MAP2K1: variants seen among roughly 807,000 people sequenced by gnomAD.
MAP2K1 encodes dual specificity mitogen-activated protein kinase kinase 1.
In MAP2K1, 16 loss-of-function variants were observed where a neutral mutation model predicts 46.3. The ratio of observed to expected loss-of-function variants is 0.35; its 90% CI spans 0.23 to 0.52. The LOEUF (loss-of-function observed/expected upper bound fraction) is 0.52. Ranked by LOEUF, MAP2K1 falls within the 20% of genes least tolerant of loss-of-function variation. MAP2K1 has a pLI of 0.94. For missense variants in MAP2K1, 263 were observed against 497.1 expected, an observed-to-expected ratio of 0.53 and a Z score of 4.48; for synonymous variants, 183 against 185.6, an observed-to-expected ratio of 0.99 and a Z score of 0.11.
At chr15:66,388,462 A>T (rs2093348251) in intron 1 of MAP2K1, among the ~76,000 whole-genome samples, 2 of 152,216 alleles carry the variant, frequency 1.3e-5, no homozygotes, top group South Asian at 4.1e-4. Context: ...TAGGAAGCTA[A>T]TTGATGAAAT....
chr15:66,418,764 G>A (rs1045254551), intron 1 of MAP2K1, among the ~76,000 whole-genome samples: 5 of 151,622 alleles, frequency 3.3e-5, no homozygotes, highest in East Asian at 1.9e-4. Context: ...CCGGGTTCAC[G>A]CCATTCTCCT....
chr15:66,487,378 C>A, intron 8 of MAP2K1, 86 bp downstream of exon 8: 1 of 1,256,730 alleles, frequency 8.0e-7, no homozygotes, highest in Admixed American at 1.7e-5. Flanking sequence ...GTGGTTCACG[C>A]CTGTAATCCC....
intron 1 of MAP2K1, among the ~76,000 whole-genome samples, chr15:66,421,638 T>TA (rs1040040727): frequency 3.3e-5 from 5 of 150,720 alleles, no homozygotes; most frequent in East Asian, 1.9e-4. Context: ...CTGTCTCTAC[T>TA]AAAAAAAATA....
At chr15:66,394,920 G>A (rs1566994304) in intron 1 of MAP2K1, among the ~76,000 whole-genome samples, 1 of 152,184 alleles carries the variant, frequency 6.6e-6, no homozygotes, top group African/African-American at 2.4e-5. Flanking sequence ...CATCTCTGCC[G>A]CTGTTACAGC....
At chr15:66,448,214 A>G (rs936497760) in intron 5 of MAP2K1, among the ~76,000 whole-genome samples, 13 of 151,664 alleles carry the variant, frequency 8.6e-5, no homozygotes, top group African/African-American at 3.1e-4. Context: ...GAAACCACCA[A>G]TCTACCTTCT....
At chr15:66,399,983 A>T (rs1367447005) in intron 1 of MAP2K1, among the ~76,000 whole-genome samples, 1 of 152,128 alleles carries the variant, frequency 6.6e-6, no homozygotes, top group Non-Finnish European at 1.5e-5. Flanking sequence ...CTTCTTGCAT[A>T]AGTACTTTAT....
chr15:66,465,739 A>AT (rs1050265503), intron 5 of MAP2K1, among the ~76,000 whole-genome samples: 3 of 152,062 alleles, frequency 2.0e-5, no homozygotes, highest in Non-Finnish European at 4.4e-5. Context: ...TTTGAAACGT[A>AT]TTTTTTCTCT....
chr15:66,458,443 CTTCT>C, intron 5 of MAP2K1, among the ~76,000 whole-genome samples: 1 of 152,200 alleles, frequency 6.6e-6, no homozygotes, highest in East Asian at 1.9e-4. Flanking sequence ...TTTTCTTTTC[CTTCT>C]ATCTAATGAA....
At chr15:66,434,332 T>A (rs1236383159) in intron 1 of MAP2K1, among the ~76,000 whole-genome samples, 1 of 152,166 alleles carries the variant, frequency 6.6e-6, no homozygotes, top group Non-Finnish European at 1.5e-5. Flanking sequence ...AATAGGAAAT[T>A]GTCGACAATG....
chr15:66,476,711 C>G (rs1240192959), intron 5 of MAP2K1, among the ~76,000 whole-genome samples: 1 of 152,144 alleles, frequency 6.6e-6, no homozygotes, highest in Non-Finnish European at 1.5e-5. Flanking sequence ...GCAGCCATGG[C>G]AGGCTCTGTG....
intron 5 of MAP2K1, among the ~76,000 whole-genome samples, chr15:66,473,443 G>A (rs556765932): frequency 1.3e-5 from 2 of 152,190 alleles, no homozygotes; most frequent in South Asian, 4.1e-4. Flanking sequence ...GCATGGTGGC[G>A]TGTGCTGAAG....
At chr15:66,430,834 G>A (rs1483275082) in intron 1 of MAP2K1, among the ~76,000 whole-genome samples, 1 of 152,210 alleles carries the variant, frequency 6.6e-6, no homozygotes, top group African/African-American at 2.4e-5. Flanking sequence ...ACATGTTCTT[G>A]CCCATAGGAT....
At chr15:66,463,764 G>A (rs902785208) in intron 5 of MAP2K1, among the ~76,000 whole-genome samples, 2 of 152,220 alleles carry the variant, frequency 1.3e-5, no homozygotes, top group Non-Finnish European at 2.9e-5. Context: ...GATTACAGGC[G>A]TGAGCCACCA....
intron 5 of MAP2K1, among the ~76,000 whole-genome samples, chr15:66,449,369 C>T (rs1223745867): frequency 2.0e-5 from 3 of 152,132 alleles, no homozygotes; most frequent in African/African-American, 7.2e-5. Context: ...CAAAAGAGTA[C>T]ATACTGTGAG....
chr15:66,396,886 T>C (rs757028080), intron 1 of MAP2K1, among the ~76,000 whole-genome samples: 71 of 151,878 alleles, frequency 4.7e-4, no homozygotes, highest in Non-Finnish European at 7.2e-4. Flanking sequence ...GGTTTCACCA[T>C]GTTGGCCAGG....
intron 5 of MAP2K1, among the ~76,000 whole-genome samples, chr15:66,454,488 T>G (rs1402984218): frequency 6.6e-6 from 1 of 152,234 alleles, no homozygotes; most frequent in Non-Finnish European, 1.5e-5. Flanking sequence ...TAGTAGGCAC[T>G]TAATACATTT....
chr15:66,452,467 AC>A (rs1211405389), intron 5 of MAP2K1, among the ~76,000 whole-genome samples: 2 of 152,016 alleles, frequency 1.3e-5, no homozygotes, highest in African/African-American at 4.8e-5. Flanking sequence ...GCTTCTTAAG[AC>A]CTCTGAGTTC....
rs567535653 is a variant in MAP2K1, at chr15:66,387,410, C to T, written c.63C>T (p.Asn21=). The T allele has an allele frequency of 1.9e-6, 3 of 1,561,456 alleles. No homozygotes were observed. Among genetic ancestry groups the T allele is most frequent in the African/African-American group, 2.7e-5 (2 of 73,882 alleles). ...LNPAPDGSAV[N]GTSSAETNLE... is the part of the protein sequence containing the mutation. The stretch of plus-strand genomic sequence containing the variant: ...CGGCCCCCGACGGCTCTGCAGTTAA[C>T]GGGACCAGCTCTGCGGAGTAAGTAT... Residue 21 remains asparagine (N), a synonymous_variant, in exon 1 of 11, where the codon AAC becomes AAT. Coordinates refer to ENST00000307102, the MANE Select transcript of MAP2K1 (RefSeq NM_002755.4).
chr15:66,392,848 TG>T (rs1237711198), intron 1 of MAP2K1, among the ~76,000 whole-genome samples: 1 of 152,194 alleles, frequency 6.6e-6, no homozygotes, highest in Non-Finnish European at 1.5e-5. Context: ...CCACCATGCC[TG>T]GCCTTAGTTT....
Sources: gnomAD v4.1 joint callset for allele counts (sites outside exome capture counted in the v4.1 genomes callset) on GRCh38, gnomAD v4.1.1 for gene constraint, MANE v1.5 for transcripts, NCBI Gene and HGNC (gene_info 2026-07-23, HGNC 2026-07-21) for gene names.